Variants in KATNA1 observed in about 807,000 individuals in gnomAD.
KATNA1 encodes katanin catalytic subunit A1.
A neutral mutation model predicts 62.6 loss-of-function variants in KATNA1; 42 were observed. That is an observed-to-expected ratio of 0.67 (90% CI 0.52 to 0.87). The LOEUF (loss-of-function observed/expected upper bound fraction) is 0.87, where lower values mean the gene tolerates loss of function less well. Ranked by LOEUF, KATNA1 falls within the 40% of genes least tolerant of loss-of-function variation. KATNA1 has a pLI of 0.00. For synonymous variants in KATNA1, 186 were observed against 201.9 expected (o/e 0.92, Z 0.67); for missense variants, 498 against 612.5 (o/e 0.81, Z 1.97).
chr6:149,643,822 C>T (rs1300434151), intron 1 of KATNA1, among the ~76,000 whole-genome samples: 2 of 151,700 alleles, frequency 1.3e-5, no homozygotes, highest in Non-Finnish European at 2.9e-5. Context: ...ATGTGTACCA[C>T]CACACCCAGC....
chr6:149,627,207 A>G (rs1463560827), intron 3 of KATNA1, among the ~76,000 whole-genome samples: 1 of 151,548 alleles, frequency 6.6e-6, no homozygotes, highest in African/African-American at 2.4e-5. Flanking sequence ...CGTCTGGCCA[A>G]CATGGAGAAA....
chr6:149,627,004 TCAA>T (rs1202482058), intron 3 of KATNA1, among the ~76,000 whole-genome samples: 1 of 151,502 alleles, frequency 6.6e-6, no homozygotes, highest in Non-Finnish European at 1.5e-5. Context: ...AATAATAATT[TCAA>T]CAACAACCCT....
chr6:149,605,000 C>T (rs1446239225), intron 4 of KATNA1, among the ~76,000 whole-genome samples: 2 of 151,876 alleles, frequency 1.3e-5, no homozygotes, highest in East Asian at 1.9e-4. Context: ...GGGTGAAACC[C>T]CATCTCTACT....
chr6:149,615,509 T>C (rs1055488492), intron 4 of KATNA1, among the ~76,000 whole-genome samples: 2 of 151,848 alleles, frequency 1.3e-5, no homozygotes, highest in African/African-American at 4.8e-5. Context: ...CGGCGAGTAA[T>C]GTAGAAAATT....
At chr6:149,612,416 C>T (rs1310521889) in intron 4 of KATNA1, among the ~76,000 whole-genome samples, 1 of 151,316 alleles carries the variant, frequency 6.6e-6, no homozygotes, top group Non-Finnish European at 1.5e-5. Context: ...AGCTGAAGCA[C>T]GAGAATCTAT....
At chr6:149,632,444 A>C (rs909655233) in intron 3 of KATNA1, among the ~76,000 whole-genome samples, 2 of 152,152 alleles carry the variant, frequency 1.3e-5, no homozygotes. Flanking sequence ...AAAGCTACAG[A>C]GAGTGGCAAA....
intron 3 of KATNA1, 74 bp downstream of exon 3, chr6:149,632,685 C>T (rs958615502): frequency 1.6e-6 from 2 of 1,274,186 alleles, no homozygotes; most frequent in Non-Finnish European, 2.1e-6. Context: ...CTCAGCCACC[C>T]CATCCTCCTC....
intron 1 of KATNA1, among the ~76,000 whole-genome samples, chr6:149,643,254 G>A (rs1780358071): frequency 6.6e-6 from 1 of 152,154 alleles, no homozygotes; most frequent in Admixed American, 6.6e-5. Flanking sequence ...CCTCACTAGA[G>A]CCTTGAGATG....
chr6:149,614,933 G>A (rs1011041022), intron 4 of KATNA1, among the ~76,000 whole-genome samples: 21 of 151,932 alleles, frequency 1.4e-4, no homozygotes, highest in Non-Finnish European at 2.6e-4. Context: ...TCAAGAGTTC[G>A]AGACCAGCCT....
At chr6:149,629,579 TA>T (rs1462045852) in intron 3 of KATNA1, among the ~76,000 whole-genome samples, 1 of 152,034 alleles carries the variant, frequency 6.6e-6, no homozygotes, top group African/African-American at 2.4e-5. Flanking sequence ...AGCAAGTAAA[TA>T]AGAATAAAAC....
chr6:149,638,993 C>A (rs1780182753), intron 1 of KATNA1, among the ~76,000 whole-genome samples: 1 of 151,786 alleles, frequency 6.6e-6, no homozygotes, highest in African/African-American at 2.4e-5. Flanking sequence ...CCCGCCTCGG[C>A]CTCCCAAAGT....
In KATNA1 at chr6:149,598,306, G is replaced by GTCTA. The variant is rs763790115; in HGVS notation, c.929_932dup (p.Ser312ArgfsTer5). 2 of 1,613,654 alleles carry GTCTA rather than the reference G, an allele frequency of 1.2e-6. No individual in the cohort carries two copies. Among genetic ancestry groups the GTCTA allele is most frequent in the African/African-American group, 2.7e-5 (2 of 74,980 alleles). On this transcript the variant is annotated frameshift_variant, in exon 8 of 11. Coordinates refer to ENST00000367411, the MANE Select transcript of KATNA1 (RefSeq NM_007044.4). LOFTEE classifies it high-confidence loss of function. Reference sequence around the variant, plus strand: ...AAGTCCCTCGGCGACTACAGATGGAGTCTATCTCATCAATAAATATGGTGG... The same window carrying GTCTA: ...AAGTCCCTCGGCGACTACAGATGGAGTCTATCTATCTCATCAATAAATATGGTGG...
At chr6:149,629,075 T>C (rs903937879) in intron 3 of KATNA1, among the ~76,000 whole-genome samples, 1 of 152,008 alleles carries the variant, frequency 6.6e-6, no homozygotes, top group Non-Finnish European at 1.5e-5. Context: ...AGGGCTTAAC[T>C]TCCCACCACC....
At position 149,611,550 on chromosome 6, in the gene KATNA1, A is replaced by G. The variant is rs186317254; in HGVS notation, c.502-6768T>C. ...CAATAAAGTTAAAAACAGAATAACT[A>G]TAGAGAAAATTCAATGAAACAAAGG... On this transcript the variant is annotated intron_variant, in intron 4 of 10. Transcript: ENST00000367411. 4.7e-4 allele frequency among the ~76,000 whole-genome samples: 72 copies of G among 152,182 alleles called. No homozygotes were observed. In the East Asian group the frequency reaches 0.013, roughly 28 times the overall value.
intron 1 of KATNA1, among the ~76,000 whole-genome samples, chr6:149,641,450 A>G (rs1780285136): frequency 6.6e-6 from 1 of 151,918 alleles, no homozygotes; most frequent in Admixed American, 6.6e-5. Context: ...TGCTGGGATT[A>G]CAGGTGTGAG....
intron 7 of KATNA1, among the ~76,000 whole-genome samples, 193 bp downstream of exon 7, chr6:149,601,401 T>G (rs1379513168): frequency 6.6e-6 from 1 of 152,110 alleles, no homozygotes; most frequent in Non-Finnish European, 1.5e-5. Flanking sequence ...TGGATCTACA[T>G]CTGGAGAAAA....
chr6:149,608,435 G>A (rs1778823244), intron 4 of KATNA1, among the ~76,000 whole-genome samples: 1 of 152,126 alleles, frequency 6.6e-6, no homozygotes, highest in Admixed American at 6.5e-5. Flanking sequence ...CTCTTTCTAG[G>A]CAAAGGACCA....
chr6:149,616,309 T>C (rs1322025110), intron 4 of KATNA1, among the ~76,000 whole-genome samples: 1 of 152,178 alleles, frequency 6.6e-6, no homozygotes, highest in East Asian at 1.9e-4. Context: ...TGCAAATCAA[T>C]ACCACAATGA....
chr6:149,633,403 G>A (rs544980696), intron 2 of KATNA1, among the ~76,000 whole-genome samples: 3 of 152,092 alleles, frequency 2.0e-5, no homozygotes, highest in East Asian at 1.9e-4. Context: ...CACTGCGCTC[G>A]GCCCTCAATT....
Sources: gnomAD v4.1 joint callset for allele counts (sites outside exome capture counted in the v4.1 genomes callset) on GRCh38, gnomAD v4.1.1 for gene constraint, MANE v1.5 for transcripts, NCBI Gene and HGNC (gene_info 2026-07-23, HGNC 2026-07-21) for gene names.